The following COL14A1 variants were observed in gnomAD, a reference collection of about 807,000 sequenced individuals.
COL14A1 encodes collagen alpha-1(XIV) chain.
Under a neutral mutation model 230.3 loss-of-function variants are expected in COL14A1, and 136 were observed. That is an observed-to-expected ratio of 0.59 (90% confidence interval 0.51 to 0.68). The LOEUF is 0.68. Among genes scored for constraint, COL14A1 ranks in the 30% least tolerant of loss-of-function variants. The pLI is 0.00. For synonymous variants in COL14A1, 792 were observed against 784.1 expected (o/e 1.01, Z -0.17); for missense variants, 1,976 against 2,215.8 (o/e 0.89, Z 2.17).
At chr8:120,209,151 T>C (rs1018182716) in intron 11 of COL14A1, among the ~76,000 whole-genome samples, 2 of 152,084 alleles carry the variant, frequency 1.3e-5, no homozygotes, top group African/African-American at 4.8e-5. Context: ...GTGACAATCC[T>C]TATTCTCAAG....
intron 28 of COL14A1, among the ~76,000 whole-genome samples, 189 bp from the exon 29 acceptor site, chr8:120,279,746 T>C (rs1819980038): frequency 6.6e-6 from 1 of 152,166 alleles, no homozygotes; most frequent in Non-Finnish European, 1.5e-5. Context: ...CTTTAGGGGA[T>C]GATGGAATCA....
At chr8:120,222,221 A>G (rs1817954026) in intron 14 of COL14A1, among the ~76,000 whole-genome samples, 1 of 152,228 alleles carries the variant, frequency 6.6e-6, no homozygotes, top group South Asian at 2.1e-4. Flanking sequence ...GTGAATGCAT[A>G]TAAAGCATGC....
At chr8:120,220,508 G>A (rs992093887) in intron 14 of COL14A1, among the ~76,000 whole-genome samples, 1 of 152,000 alleles carries the variant, frequency 6.6e-6, no homozygotes, top group Admixed American at 6.6e-5. Context: ...TCTTGACCTC[G>A]TGATCTGCCC....
chr8:120,229,068 T>C lies in COL14A1; in HGVS notation c.2197+299T>C, dbSNP rs1463362547. On this transcript the variant is annotated intron_variant, in intron 18 of 47. Coordinates refer to ENST00000297848, the MANE Select transcript of COL14A1 (RefSeq NM_021110.4). The stretch of plus-strand genomic sequence containing the variant: ...ACGTAGCTGCCTCCCCAGGGGTCTT[T>C]GCCCTCCTCTTTTTTTTTTCTTTTT... Among the ~76,000 whole-genome samples, 6 of 149,068 alleles carry C rather than the reference T, an allele frequency of 4.0e-5. No individual in the cohort carries two copies. The Admixed American group carries it at 4.0e-4, about 10-fold the overall frequency.
intron 5 of COL14A1, among the ~76,000 whole-genome samples, chr8:120,182,018 C>T (rs758006267): frequency 2.0e-5 from 3 of 152,086 alleles, no homozygotes; most frequent in Non-Finnish European, 2.9e-5. Flanking sequence ...ATTCTTCTAG[C>T]GTTAGACCTC....
At chr8:120,362,820 G>A (rs1411231480) in intron 45 of COL14A1, among the ~76,000 whole-genome samples, 1 of 151,942 alleles carries the variant, frequency 6.6e-6, no homozygotes, top group East Asian at 1.9e-4. Context: ...TGGAGGGAGG[G>A]GACTTCTTTC....
intron 37 of COL14A1, among the ~76,000 whole-genome samples, chr8:120,311,650 AT>A (rs1373351374): frequency 1.3e-5 from 2 of 152,104 alleles, no homozygotes; most frequent in African/African-American, 4.8e-5. Context: ...ATGATTTTTT[AT>A]TTTGTTGCAG....
intron 2 of COL14A1, among the ~76,000 whole-genome samples, chr8:120,148,367 G>A (rs777278995): frequency 1.1e-4 from 17 of 152,066 alleles, no homozygotes; most frequent in Non-Finnish European, 2.2e-4. Flanking sequence ...TCCTGATCTC[G>A]TGATCTGCCC....
At chr8:120,140,382 G>A (rs1035545728) in intron 1 of COL14A1, among the ~76,000 whole-genome samples, 2 of 151,554 alleles carry the variant, frequency 1.3e-5, no homozygotes, top group Non-Finnish European at 1.5e-5. Context: ...GGGAAGATAT[G>A]GTACGAAGTT....
In COL14A1 at chr8:120,255,237, C is replaced by T; in HGVS notation, c.2753-3C>T. 2 of 1,607,964 alleles carry T rather than the reference C, an allele frequency of 1.2e-6. No individual in the cohort carries two copies. The highest frequency in any genetic ancestry group is 1.1e-5 in the South Asian group (1 of 90,934). ...ATACAGTTATGTTTCTATTTCATTC[C>T]AGTGTTCTTGGGTGTTACCAATCTC... is the stretch of plus-strand genomic sequence containing the variant. On this transcript the variant is annotated splice_polypyrimidine_tract_variant and splice_region_variant and intron_variant, in intron 22 of 47. Coordinates refer to ENST00000297848, the MANE Select transcript of COL14A1 (RefSeq NM_021110.4).
intron 19 of COL14A1, among the ~76,000 whole-genome samples, chr8:120,238,557 G>A (rs561519429): frequency 2.0e-5 from 3 of 152,324 alleles, no homozygotes; most frequent in African/African-American, 7.2e-5. Context: ...GTGGGGGTTG[G>A]ATCTGCTGAG....
At chr8:120,184,210 GT>G (rs1191339628) in intron 5 of COL14A1, among the ~76,000 whole-genome samples, 1 of 144,432 alleles carries the variant, frequency 6.9e-6, no homozygotes, top group African/African-American at 2.8e-5. Flanking sequence ...TGGTGTGTGT[GT>G]GGGGGGGGAA....
At chr8:120,285,325 G>A (rs944446435) in intron 32 of COL14A1, among the ~76,000 whole-genome samples, 12 of 151,900 alleles carry the variant, frequency 7.9e-5, no homozygotes, top group East Asian at 5.8e-4. Flanking sequence ...TTAGCTGGGC[G>A]TGGTGGCGGG....
chr8:120,183,018 C>T (rs28404025), intron 5 of COL14A1, among the ~76,000 whole-genome samples: 2,286 of 152,084 alleles, frequency 0.015, 52 homozygotes, highest in African/African-American at 0.051. Flanking sequence ...GAAGCCACCA[C>T]GCCCGGCCTA....
intron 5 of COL14A1, among the ~76,000 whole-genome samples, chr8:120,178,673 A>G (rs938322828): frequency 2.0e-5 from 3 of 152,172 alleles, no homozygotes; most frequent in African/African-American, 7.2e-5. Flanking sequence ...CAATGGTTGA[A>G]CTAATTTACA....
chr8:120,228,730 C>T lies in COL14A1; in HGVS notation c.2158C>T (p.Pro720Ser). ...TTTAGTTGACAGTTTTTGGACAGAA[C>T]CAGCTACAACCATAGTGCCTACCAC... Reference protein sequence around the residue: ...GTTLDSFWTEPATTIVPTTSV... With the variant: ...GTTLDSFWTESATTIVPTTSV... Residue 720 changes from proline (P) to serine (S), a missense_variant, in exon 18 of 48, where the codon CCA becomes TCA. By Grantham distance (74) the Pro-to-Ser change is moderately conservative (BLOSUM62 -1). Transcript: ENST00000297848. The T allele has an allele frequency of 6.2e-7, 1 of 1,613,820 alleles. No homozygotes were observed. Among genetic ancestry groups the T allele is most frequent in the Non-Finnish European group, 8.5e-7 (1 of 1,179,808 alleles).
Position 120,371,987 on chromosome 8 carries a change from C to G in COL14A1, c.*756C>G, listed in dbSNP as rs1432941950. ...CTTTGTACATGCAGATAAGTTTTCGCAAACCTATTTCCATTTTCTTTTGTA... is the reference window on the plus strand; with the variant it reads ...CTTTGTACATGCAGATAAGTTTTCGGAAACCTATTTCCATTTTCTTTTGTA... On this transcript the variant is annotated 3_prime_UTR_variant, in exon 48 of 48. Transcript: ENST00000297848. The G allele has an allele frequency of 4.5e-6, 1 of 220,760 alleles. No individual in the cohort carries two copies. The highest frequency in any genetic ancestry group is 5.7e-5 in the Admixed American group (1 of 17,516). 13.7% of individuals were successfully genotyped at this position (220,760 alleles called of 1,614,324 possible).
intron 29 of COL14A1, 92 bp downstream of exon 29, chr8:120,280,191 A>G: frequency 7.0e-7 from 1 of 1,434,458 alleles, no homozygotes; most frequent in Non-Finnish European, 9.6e-7. Context: ...AGATCTGAGA[A>G]AAGAATATTG....
At position 120,203,753 on chromosome 8, in the gene COL14A1, G is replaced by T; in HGVS notation, c.922G>T (p.Glu308Ter). The change falls in exon 9 of 48, where the codon GAA (glutamate) becomes TAA (stop). Residue 308 changes from glutamate to a stop codon, truncating the protein, a stop_gained. Coordinates refer to ENST00000297848, the MANE Select transcript of COL14A1 (RefSeq NM_021110.4). LOFTEE classifies it high-confidence loss of function. ...GAATGAGCTGCAGGAGATCGCCTCT[G>T]AACCAGACAGCACTCATGTGTACAA... ...DVNELQEIAS[E>*]PDSTHVYNVA... is the part of the protein sequence containing the mutation. 1 of 1,613,820 alleles carries T rather than the reference G, an allele frequency of 6.2e-7. No homozygotes were observed. The highest frequency in any genetic ancestry group is 8.5e-7 in the Non-Finnish European group (1 of 1,179,898).
Sources: gnomAD v4.1 joint callset for allele counts (sites outside exome capture counted in the v4.1 genomes callset) on GRCh38, gnomAD v4.1.1 for gene constraint, MANE v1.5 for transcripts, NCBI Gene and HGNC (gene_info 2026-07-23, HGNC 2026-07-21) for gene names.